Variants in NRXN1 observed in about 807,000 individuals in gnomAD.
The protein encoded by NRXN1 is neurexin-1.
In NRXN1, 39 loss-of-function variants were observed where a neutral mutation model predicts 150.9. The observed-to-expected ratio is 0.26, with a 90% CI of 0.20 to 0.34. NRXN1 has a LOEUF of 0.34. Among genes scored for constraint, NRXN1 ranks in the 10% least tolerant of loss-of-function variants. NRXN1 has a pLI of 1.00. For missense variants in NRXN1, 1,815 were observed against 1,949.9 expected (o/e 0.93, Z 1.30); for synonymous variants, 924 against 757.0 (o/e 1.22, Z -3.62).
At chr2:50,860,018 A>G (rs1473777140) in intron 5 of NRXN1, among the ~76,000 whole-genome samples, 1 of 152,068 alleles carries the variant, frequency 6.6e-6, no homozygotes, top group Non-Finnish European at 1.5e-5. Context: ...CCAATATAGC[A>G]GTTTTTAATC....
chr2:50,347,645 T>A lies in NRXN1; in HGVS notation c.3365-110675A>T. ...CCGGCGAGGGGTTCAGAGGGAAGAGTGCGCCCTTCTGAAGGAAGTGGGAAT... is the reference window on the plus strand; with the variant it reads ...CCGGCGAGGGGTTCAGAGGGAAGAGAGCGCCCTTCTGAAGGAAGTGGGAAT... On this transcript the variant is annotated intron_variant, in intron 17 of 22. Coordinates refer to ENST00000401669, the MANE Select transcript of NRXN1 (RefSeq NM_001330078.2). This position sits in a 1 kb window ranked among gnomAD's most constrained non-coding sequence, Gnocchi z 4.9. 2.0e-6 allele frequency: 2 copies of A among 989,782 alleles called. No individual in the cohort carries two copies. The highest frequency in any genetic ancestry group is 4.5e-5 in the South Asian group (1 of 22,092). The allele number at this position is 989,782 out of a possible 1,614,324, so 61.3% of individuals were successfully genotyped here.
At position 50,538,486 on chromosome 2, in the gene NRXN1, T is replaced by C. The variant is rs1203233115; in HGVS notation, c.1910A>G (p.Asn637Ser). The part of the protein sequence containing the change: ...FPTEVWTALL[N>S]YGYVGCIRDL... ...CCTGATGCAGCCCACGTAGCCATAG[T>C]TGAGCAGAGCAGTCCACACCTCGGT... Residue 637 changes from asparagine to serine, a missense_variant, in exon 10 of 23, where the codon AAC (asparagine) becomes AGC (serine). Coordinates refer to ENST00000401669, the MANE Select transcript of NRXN1 (RefSeq NM_001330078.2). 6.2e-7 allele frequency: 1 copy of C among 1,613,648 alleles called. No homozygotes were observed. Among genetic ancestry groups the C allele is most frequent in the Non-Finnish European group, 8.5e-7 (1 of 1,179,780 alleles).
At chr2:50,378,227 G>A (rs1212202148) in intron 17 of NRXN1, among the ~76,000 whole-genome samples, 2 of 152,064 alleles carry the variant, frequency 1.3e-5, no homozygotes, top group East Asian at 3.9e-4. Flanking sequence ...ATTTTCATAG[G>A]CATACATGTT....
chr2:50,796,965 C>T (rs1226078593), intron 5 of NRXN1, among the ~76,000 whole-genome samples: 46 of 152,128 alleles, frequency 3.0e-4, no homozygotes, highest in Admixed American at 2.9e-3. Flanking sequence ...CTTGTTGCTG[C>T]ATTCCCAGAA....
intron 21 of NRXN1, among the ~76,000 whole-genome samples, chr2:49,974,878 C>G (rs1323769161): frequency 1.3e-5 from 2 of 151,614 alleles, no homozygotes; most frequent in Non-Finnish European, 2.9e-5. Context: ...TCCTGTTTCC[C>G]AAAGCCTGAA....
At chr2:50,802,798 G>A (rs1201721521) in intron 5 of NRXN1, among the ~76,000 whole-genome samples, 8 of 152,080 alleles carry the variant, frequency 5.3e-5, no homozygotes, top group African/African-American at 1.7e-4. Flanking sequence ...CACAGAGGGA[G>A]GAGGATGTGA....
chr2:50,326,071 T>C (rs537764597), intron 17 of NRXN1, among the ~76,000 whole-genome samples: 20 of 152,230 alleles, frequency 1.3e-4, no homozygotes, highest in Non-Finnish European at 2.9e-4. Flanking sequence ...ATTCATAAAG[T>C]GTTTATCAGT....
intron 5 of NRXN1, among the ~76,000 whole-genome samples, chr2:50,843,875 CCTAA>C (rs1288418165): frequency 1.3e-5 from 2 of 152,172 alleles, no homozygotes; most frequent in Non-Finnish European, 2.9e-5. Flanking sequence ...TTCCACCAAT[CCTAA>C]CTGTTACATC....
chr2:50,517,235 A>C (rs1463407291), intron 12 of NRXN1, among the ~76,000 whole-genome samples: 1 of 152,158 alleles, frequency 6.6e-6, no homozygotes, highest in South Asian at 2.1e-4. Context: ...GATTTATGGT[A>C]AGCTTTCAAT....
intron 5 of NRXN1, among the ~76,000 whole-genome samples, chr2:50,897,444 T>G (rs761626190): frequency 5.3e-5 from 8 of 152,176 alleles, no homozygotes; most frequent in Non-Finnish European, 1.0e-4. Flanking sequence ...AAACCTCTAC[T>G]ATGTGCAAGG....
chr2:50,576,538 T>C lies in NRXN1; in HGVS notation c.1321-23513A>G, dbSNP rs191808255. On this transcript the variant is annotated intron_variant, in intron 8 of 22. Coordinates refer to ENST00000401669, the MANE Select transcript of NRXN1 (RefSeq NM_001330078.2). ...CATAGGTCTCCAAAATAGCTTTGAT[T>C]TTAAGCTACCTAAAGAAAAACATTT... is the stretch of plus-strand genomic sequence containing the variant. Among the ~76,000 whole-genome samples, 351 of 152,280 alleles carry C rather than the reference T, an allele frequency of 2.3e-3. 1 individual carries two copies. The highest frequency in any genetic ancestry group is 3.9e-3 in the Non-Finnish European group (264 of 68,000).
intron 17 of NRXN1, among the ~76,000 whole-genome samples, chr2:50,358,500 C>T (rs1272535874): frequency 6.6e-6 from 1 of 152,202 alleles, no homozygotes; most frequent in African/African-American, 2.4e-5. Flanking sequence ...CACAGCACCA[C>T]AAAGCCGCTA....
At chr2:50,685,219 C>A (rs915204107) in intron 5 of NRXN1, among the ~76,000 whole-genome samples, 2 of 152,136 alleles carry the variant, frequency 1.3e-5, no homozygotes, top group African/African-American at 4.8e-5. Context: ...CTTTGATCCG[C>A]CTGTTTTTCT....
intron 17 of NRXN1, among the ~76,000 whole-genome samples, chr2:50,386,945 A>G (rs1382428947): frequency 6.6e-6 from 1 of 152,076 alleles, no homozygotes; most frequent in Non-Finnish European, 1.5e-5. Flanking sequence ...AGCTAATACT[A>G]TTTTCAATTT....
intron 21 of NRXN1, among the ~76,000 whole-genome samples, chr2:49,980,519 A>C (rs955290209): frequency 6.6e-6 from 1 of 152,216 alleles, no homozygotes; most frequent in African/African-American, 2.4e-5. Context: ...CACAGCAGAG[A>C]GGAAAAATGC....
At chr2:50,806,480 CA>C in intron 5 of NRXN1, among the ~76,000 whole-genome samples, 1 of 152,082 alleles carries the variant, frequency 6.6e-6, no homozygotes. Flanking sequence ...AAGATTTGTT[CA>C]AATGTTTTAC....
chr2:50,298,801 A>G (rs1260978785), intron 17 of NRXN1, among the ~76,000 whole-genome samples: 1 of 152,178 alleles, frequency 6.6e-6, no homozygotes, highest in Non-Finnish European at 1.5e-5. Flanking sequence ...CTGTGGATAT[A>G]TTCCTTGCCT....
intron 18 of NRXN1, among the ~76,000 whole-genome samples, chr2:50,144,572 G>A (rs1027010133): frequency 6.6e-6 from 1 of 151,684 alleles, no homozygotes; most frequent in Admixed American, 6.6e-5. Flanking sequence ...TGAACTACAC[G>A]GATAAAGAAG....
intron 21 of NRXN1, among the ~76,000 whole-genome samples, chr2:49,968,609 C>A (rs937255148): frequency 6.6e-6 from 1 of 151,952 alleles, no homozygotes; most frequent in African/African-American, 2.4e-5. Flanking sequence ...CTGATTTGAC[C>A]TGATTTTGTG....
Sources: allele counts gnomAD v4.1 joint callset (sites outside exome capture counted in the v4.1 genomes callset), GRCh38; gene constraint gnomAD v4.1.1; non-coding constraint Gnocchi (gnomAD v3.1); transcripts MANE v1.5; gene names NCBI Gene and HGNC (gene_info 2026-07-23, HGNC 2026-07-21).